PACRG: variants seen among roughly 807,000 people sequenced by gnomAD.
PACRG encodes the protein parkin coregulated.
A neutral mutation model predicts 29.7 loss-of-function variants in PACRG; 29 were observed. The ratio of observed to expected loss-of-function variants is 0.98; its 90% CI spans 0.73 to 1.33. The LOEUF (loss-of-function observed/expected upper bound fraction) is 1.33, where lower values mean the gene tolerates loss of function less well. Ranked by LOEUF, PACRG falls within the 40% of genes most tolerant of loss-of-function variation. PACRG has a pLI of 0.00. For missense variants in PACRG, 279 were observed against 316.2 expected, an observed-to-expected ratio of 0.88 and a Z score of 0.89; for synonymous variants, 116 against 118.7, an observed-to-expected ratio of 0.98 and a Z score of 0.15.
intron 4 of PACRG, among the ~76,000 whole-genome samples, chr6:163,180,055 T>C (rs757479173): frequency 2.6e-5 from 4 of 152,244 alleles, no homozygotes; most frequent in Non-Finnish European, 5.9e-5. Flanking sequence ...GAAGACGACA[T>C]TGACTTTGAA....
intron 2 of PACRG, among the ~76,000 whole-genome samples, chr6:162,947,630 A>G (rs1799322790): frequency 2.9e-5 from 2 of 69,572 alleles, no homozygotes; most frequent in African/African-American, 1.2e-4. Context: ...ATATATATAT[A>G]TATATATATA....
chr6:163,100,981 A>G, intron 4 of PACRG: 3 of 984,390 alleles, frequency 3.0e-6, no homozygotes, highest in Non-Finnish European at 3.6e-6. Flanking sequence ...TTCTGTTCAG[A>G]GCCCTCGAAG....
At chr6:162,862,571 TTTA>T (rs1162553976) in intron 2 of PACRG, among the ~76,000 whole-genome samples, 2 of 152,236 alleles carry the variant, frequency 1.3e-5, no homozygotes, top group Admixed American at 1.3e-4. Flanking sequence ...CAGAGCCATC[TTTA>T]TAAACTGGGA....
intron 2 of PACRG, among the ~76,000 whole-genome samples, chr6:163,061,004 A>G (rs1811054517): frequency 6.6e-6 from 1 of 152,100 alleles, no homozygotes; most frequent in Admixed American, 6.6e-5. Flanking sequence ...CATAGGGAAT[A>G]TGTATATATG....
chr6:163,283,674 G>T (rs908927367), intron 4 of PACRG, among the ~76,000 whole-genome samples: 2 of 151,728 alleles, frequency 1.3e-5, no homozygotes, highest in Non-Finnish European at 2.9e-5. Context: ...GGTGGCGGGC[G>T]CCTGTAGTCC....
chr6:162,996,949 A>G (rs577590520), intron 2 of PACRG, among the ~76,000 whole-genome samples: 53 of 152,192 alleles, frequency 3.5e-4, no homozygotes, highest in Non-Finnish European at 5.9e-4. Flanking sequence ...ATTAAACTCC[A>G]GGGAGACATT....
At chr6:163,079,437 C>A (rs1382268792) in intron 3 of PACRG, among the ~76,000 whole-genome samples, 3 of 151,522 alleles carry the variant, frequency 2.0e-5, no homozygotes, top group Non-Finnish European at 4.4e-5. Flanking sequence ...AAAGAAAAAG[C>A]CTACTTTTTC....
intron 1 of PACRG, among the ~76,000 whole-genome samples, chr6:162,788,725 C>T (rs1784707688): frequency 6.6e-6 from 1 of 152,102 alleles, no homozygotes; most frequent in South Asian, 2.1e-4. Context: ...GTCATGATAC[C>T]TCATTTTTTA....
intron 2 of PACRG, among the ~76,000 whole-genome samples, chr6:163,008,611 G>A (rs899733290): frequency 6.7e-6 from 1 of 149,078 alleles, no homozygotes; most frequent in South Asian, 2.2e-4. Context: ...CAAGCCCAAC[G>A]GAAAGCTTTC....
intron 2 of PACRG, among the ~76,000 whole-genome samples, chr6:162,887,501 C>A (rs140335969): frequency 2.6e-5 from 4 of 152,282 alleles, no homozygotes; most frequent in Non-Finnish European, 4.4e-5. Context: ...TATCGTATTG[C>A]ATGTGATTTC....
intron 4 of PACRG, among the ~76,000 whole-genome samples, chr6:163,141,161 T>C (rs544951896): frequency 2.0e-5 from 3 of 152,248 alleles, no homozygotes; most frequent in African/African-American, 7.2e-5. Flanking sequence ...AGTGGGTTGA[T>C]ATCTCGAGTG....
chr6:162,948,689 C>G, intron 2 of PACRG, among the ~76,000 whole-genome samples: 1 of 151,860 alleles, frequency 6.6e-6, no homozygotes, highest in Non-Finnish European at 1.5e-5. Context: ...AAGTCAACAG[C>G]AAAAAACCCT....
At chr6:162,804,117 G>T (rs138873100) in intron 1 of PACRG, among the ~76,000 whole-genome samples, 218 of 152,272 alleles carry the variant, frequency 1.4e-3, no homozygotes, top group Admixed American at 3.0e-3. Context: ...GGTATCTGCA[G>T]TGCTATGTTT....
chr6:162,960,525 A>G (rs556351371), intron 2 of PACRG, among the ~76,000 whole-genome samples: 2 of 152,192 alleles, frequency 1.3e-5, no homozygotes, highest in Non-Finnish European at 2.9e-5. Context: ...AATACTGCAC[A>G]TTCTCTTTTA....
chr6:163,162,180 C>T (rs906278107), intron 4 of PACRG, among the ~76,000 whole-genome samples: 2 of 152,146 alleles, frequency 1.3e-5, no homozygotes, highest in Non-Finnish European at 2.9e-5. Context: ...CCTGGAGAGC[C>T]AGGACAGCCA....
At chr6:162,739,294 T>A (rs1780392904) in intron 1 of PACRG, among the ~76,000 whole-genome samples, 2 of 152,306 alleles carry the variant, frequency 1.3e-5, no homozygotes, top group Admixed American at 1.3e-4. Flanking sequence ...TGTAGATTTC[T>A]TCCTCTTTAG....
At chr6:162,770,112 A>G (rs1283700347) in intron 1 of PACRG, among the ~76,000 whole-genome samples, 1 of 152,110 alleles carries the variant, frequency 6.6e-6, no homozygotes, top group South Asian at 2.1e-4. Flanking sequence ...TTTCCTACAG[A>G]TAGGTCCTAG....
intron 2 of PACRG, among the ~76,000 whole-genome samples, chr6:162,870,534 A>G (rs895475111): frequency 1.3e-5 from 2 of 152,170 alleles, no homozygotes; most frequent in African/African-American, 4.8e-5. Flanking sequence ...CCCAAGCAGT[A>G]CACACTGAAC....
chr6:162,803,523 A>T (rs768336021), intron 1 of PACRG, among the ~76,000 whole-genome samples: 7 of 152,238 alleles, frequency 4.6e-5, no homozygotes, highest in Non-Finnish European at 8.8e-5. Flanking sequence ...AGGCAAAAAG[A>T]GCAAATAAAG....
Sources: gnomAD v4.1 joint callset for allele counts (sites outside exome capture counted in the v4.1 genomes callset) on GRCh38, gnomAD v4.1.1 for gene constraint, MANE v1.5 for transcripts, NCBI Gene and HGNC (gene_info 2026-07-23, HGNC 2026-07-21) for gene names.